The following PKHD1 variants were observed in gnomAD, a reference collection of about 807,000 sequenced individuals.
PKHD1 encodes fibrocystin.
In PKHD1, 291 loss-of-function variants were observed where a neutral mutation model predicts 412.0. The observed-to-expected ratio is 0.71, with a 90% CI of 0.64 to 0.78. The LOEUF is 0.78. PKHD1 is among the 30% of genes least tolerant of loss of function. The probability of loss-of-function intolerance (pLI) is 0.00; values close to 1 mark genes in which losing one functional copy is unlikely to be tolerated. For missense variants in PKHD1, 4,825 were observed against 4,950.7 expected (o/e 0.97, Z 0.76); for synonymous variants, 1,777 against 1,821.5 (o/e 0.98, Z 0.62).
chr6:51,626,395 G>A (rs1326089733), intron 66 of PKHD1, among the ~76,000 whole-genome samples: 1 of 152,142 alleles, frequency 6.6e-6, no homozygotes, highest in Non-Finnish European at 1.5e-5. Flanking sequence ...AGCATTCTTA[G>A]TAGGACAAGG....
Position 52,055,736 on chromosome 6 carries a change from G to A in PKHD1, c.1694-7C>T, listed in dbSNP as rs1218034528. The A allele has an allele frequency of 6.2e-7, 1 of 1,613,490 alleles. No individual in the cohort carries two copies. Among genetic ancestry groups the A allele is most frequent in the African/African-American group, 1.3e-5 (1 of 74,908 alleles). On this transcript the variant is annotated splice_polypyrimidine_tract_variant and splice_region_variant and intron_variant, in intron 18 of 66. Coordinates refer to ENST00000371117, the MANE Select transcript of PKHD1 (RefSeq NM_138694.4). The stretch of plus-strand genomic sequence containing the variant: ...GAGTTGGAAACTTCTGGGCCTGGAT[G>A]CAGTTCAGATAAAATAGAAAGGCAG...
At chr6:51,924,964 T>C (rs1785290049) in intron 37 of PKHD1, among the ~76,000 whole-genome samples, 1 of 152,230 alleles carries the variant, frequency 6.6e-6, no homozygotes, top group East Asian at 1.9e-4. Context: ...ACAAATATCA[T>C]GAGAAATGTC....
intron 29 of PKHD1, 118 bp from the exon 30 acceptor site, chr6:52,028,469 C>CT: frequency 1.1e-6 from 1 of 933,150 alleles, no homozygotes; most frequent in South Asian, 1.4e-5. Flanking sequence ...GCATAATACT[C>CT]TTAAGAGTTA....
intron 60 of PKHD1, among the ~76,000 whole-genome samples, chr6:51,672,050 A>G (rs978311817): frequency 2.0e-5 from 3 of 152,320 alleles, no homozygotes; most frequent in South Asian, 2.1e-4. Flanking sequence ...ACTTGAATAA[A>G]TGTTCACAGA....
intron 55 of PKHD1, among the ~76,000 whole-genome samples, chr6:51,770,250 T>C (rs1789845752): frequency 6.6e-6 from 1 of 151,882 alleles, no homozygotes; most frequent in Non-Finnish European, 1.5e-5. Context: ...TTGTATTATC[T>C]GCTGTAAAAC....
intron 16 of PKHD1, 48 bp from the exon 17 acceptor site, chr6:52,057,027 CAG>C (rs1807868955): frequency 8.2e-7 from 1 of 1,222,288 alleles, no homozygotes; most frequent in East Asian, 2.3e-5. Flanking sequence ...CTAATTAAGC[CAG>C]AGAGACAATC....
At chr6:51,910,102 GAACT>G (rs1163972861) in intron 39 of PKHD1, among the ~76,000 whole-genome samples, 4 of 151,936 alleles carry the variant, frequency 2.6e-5, no homozygotes, top group African/African-American at 7.3e-5. Flanking sequence ...GCAACCACCT[GAACT>G]AACACACACA....
intron 57 of PKHD1, among the ~76,000 whole-genome samples, chr6:51,752,372 T>C (rs1434026629): frequency 2.0e-5 from 3 of 152,172 alleles, no homozygotes; most frequent in Non-Finnish European, 2.9e-5. Flanking sequence ...TTGCCAAATA[T>C]CACCTGGGGT....
In PKHD1 at chr6:52,025,907, T is replaced by C. The variant is rs1462331898; in HGVS notation, c.3903A>G (p.Pro1301=). The C allele has an allele frequency of 1.2e-6, 2 of 1,614,048 alleles. No individual in the cohort carries two copies. Among genetic ancestry groups the C allele is most frequent in the African/African-American group, 2.7e-5 (2 of 74,930 alleles). The change falls in exon 32 of 67, where the codon CCA becomes CCG. Residue 1301 remains proline, a synonymous_variant. Transcript: ENST00000371117. Reference sequence around the variant, plus strand: ...TTTCTCCTTGCATGGCAGTGACTACTGGTGTTGCTGCCGCTTCATACATGA... The same window carrying C: ...TTTCTCCTTGCATGGCAGTGACTACCGGTGTTGCTGCCGCTTCATACATGA... ...FTFMYEAAAT[P]VVTAMQGEIT...
At chr6:51,820,846 G>A (rs1766284343) in intron 52 of PKHD1, among the ~76,000 whole-genome samples, 1 of 152,128 alleles carries the variant, frequency 6.6e-6, no homozygotes. Context: ...CCTCAAGGGA[G>A]TATAATCAAC....
At chr6:51,954,884 G>T (rs1239538480) in intron 36 of PKHD1, among the ~76,000 whole-genome samples, 1 of 151,958 alleles carries the variant, frequency 6.6e-6, no homozygotes, top group African/African-American at 2.4e-5. Context: ...ATCAGAAAGA[G>T]ATTCATTGCT....
In PKHD1 at chr6:52,037,821, C is replaced by A. The variant is rs113406072; in HGVS notation, c.3098-2100G>T. On this transcript the variant is annotated intron_variant, in intron 27 of 66. Transcript: ENST00000371117. Reference sequence around the variant, plus strand: ...CAAATAACCTCTTGACCCAGCAATTCAACTTCTAGGAAATTATGCTACTAA... The same window carrying A: ...CAAATAACCTCTTGACCCAGCAATTAAACTTCTAGGAAATTATGCTACTAA... Among the ~76,000 whole-genome samples, 99 of 152,254 alleles carry A rather than the reference C, an allele frequency of 6.5e-4. 2 individuals carry two copies. The highest frequency in any genetic ancestry group is 2.0e-3 in the African/African-American group (82 of 41,536).
intron 42 of PKHD1, 105 bp from the exon 43 acceptor site, chr6:51,903,832 CATATATAT>C (rs66966800): frequency 0.014 from 5,859 of 430,546 alleles, no homozygotes; most frequent in East Asian, 0.053. Flanking sequence ...TAATGCATTT[CATATATAT>C]ATATATATAT....
rs539014573 is a variant in PKHD1 at position 51,618,201 on chromosome 6, T to C, written c.*880A>G. 6.6e-6 allele frequency: 1 copy of C among 152,230 alleles called. No individual in the cohort carries two copies. The highest frequency in any genetic ancestry group is 2.4e-5 in the African/African-American group (1 of 41,446). 9.4% of individuals were successfully genotyped at this position (152,230 alleles called of 1,614,324 possible). On this transcript the variant is annotated 3_prime_UTR_variant, in exon 67 of 67. Coordinates refer to ENST00000371117, the MANE Select transcript of PKHD1 (RefSeq NM_138694.4). ...GACATAATCTCTCCTCTCCTTAGTA[T>C]CACAGCTTTATGCATCATCTTCTCC...
intron 23 of PKHD1, 37 bp downstream of exon 23, chr6:52,048,455 T>G: frequency 2.5e-6 from 4 of 1,606,126 alleles, no homozygotes; most frequent in Non-Finnish European, 3.4e-6. Flanking sequence ...TGAGAATATG[T>G]GAGTGAGAAT....
At chr6:51,858,485 T>A (rs1773653622) in intron 48 of PKHD1, among the ~76,000 whole-genome samples, 1 of 152,214 alleles carries the variant, frequency 6.6e-6, no homozygotes, top group Non-Finnish European at 1.5e-5. Context: ...CAGTAGGTAC[T>A]GTGGTCAGTA....
At chr6:51,690,658 A>G (rs1434199932) in intron 60 of PKHD1, among the ~76,000 whole-genome samples, 1 of 152,198 alleles carries the variant, frequency 6.6e-6, no homozygotes, top group South Asian at 2.1e-4. Flanking sequence ...ATATACGAAA[A>G]TTAACTCAAG....
intron 60 of PKHD1, among the ~76,000 whole-genome samples, chr6:51,690,623 T>C (rs1040406842): frequency 6.6e-6 from 1 of 152,062 alleles, no homozygotes; most frequent in Non-Finnish European, 1.5e-5. Context: ...AGGCAGAAGA[T>C]TAAAACTGGA....
intron 60 of PKHD1, among the ~76,000 whole-genome samples, chr6:51,691,238 G>C (rs1484291567): frequency 6.6e-6 from 1 of 152,152 alleles, no homozygotes; most frequent in Non-Finnish European, 1.5e-5. Flanking sequence ...CATTGTGGAA[G>C]ACAGTGTGGT....
Sources: gnomAD v4.1 joint callset for allele counts (sites outside exome capture counted in the v4.1 genomes callset) on GRCh38, gnomAD v4.1.1 for gene constraint, MANE v1.5 for transcripts, NCBI Gene and HGNC (gene_info 2026-07-23, HGNC 2026-07-21) for gene names.